RCOR1: variants seen among roughly 807,000 people sequenced by gnomAD.
RCOR1 encodes the protein REST corepressor 1.
Under a neutral mutation model 64.0 loss-of-function variants are expected in RCOR1, and 12 were observed. The ratio of observed to expected loss-of-function variants is 0.19; its 90% CI spans 0.12 to 0.30. The LOEUF (loss-of-function observed/expected upper bound fraction) is 0.30, where lower values mean the gene tolerates loss of function less well. Among genes scored for constraint, RCOR1 ranks in the 10% least tolerant of loss-of-function variants. The pLI, the probability that RCOR1 is intolerant of heterozygous loss-of-function variation, is 1.00. For missense variants in RCOR1, 502 were observed against 621.2 expected, an observed-to-expected ratio of 0.81 and a Z score of 2.04; for synonymous variants, 279 against 227.2, an observed-to-expected ratio of 1.23 and a Z score of -2.05.
intron 3 of RCOR1, among the ~76,000 whole-genome samples, chr14:102,690,468 G>C (rs924939816): frequency 6.6e-6 from 1 of 152,106 alleles, no homozygotes; most frequent in African/African-American, 2.4e-5. Context: ...GTGCACACCT[G>C]TAGTCCCAGA....
At chr14:102,611,008 T>C (rs1050679543) in intron 2 of RCOR1, among the ~76,000 whole-genome samples, 1 of 152,186 alleles carries the variant, frequency 6.6e-6, no homozygotes, top group African/African-American at 2.4e-5. Context: ...CAATAAGGTG[T>C]TCAAAATAAG....
At position 102,727,281 on chromosome 14, in the gene RCOR1, A is replaced by ACCCCCCCCCCCCCCCCCCCCCCCCC. The variant is rs11380772; in HGVS notation, c.*783_*784insCCCCCCCCCCCCCCCCCCCCCCCCC. 21 of 118,272 alleles carry ACCCCCCCCCCCCCCCCCCCCCCCCC rather than the reference A, an allele frequency of 1.8e-4. No individual in the cohort carries two copies. Among genetic ancestry groups the ACCCCCCCCCCCCCCCCCCCCCCCCC allele is most frequent in the South Asian group, 3.5e-4 (1 of 2,858 alleles). 7.3% of individuals were successfully genotyped at this position (118,272 alleles called of 1,614,324 possible). ...GTGGTTGCCACCCCATCTTTTCCTG[A>ACCCCCCCCCCCCCCCCCCCCCCCCC]CCCCCCCCACCCCCCCACCTCCAAG... is the stretch of plus-strand genomic sequence containing the variant. On this transcript the variant is annotated 3_prime_UTR_variant, in exon 12 of 12. Transcript: ENST00000262241.
intron 11 of RCOR1, 55 bp from the exon 12 acceptor site, chr14:102,726,413 G>C: frequency 6.7e-7 from 1 of 1,484,572 alleles, no homozygotes; most frequent in Non-Finnish European, 9.2e-7. Context: ...ATAGCAGCTT[G>C]TGTTGTTTAC....
Position 102,595,256 on chromosome 14 carries a change from C to A in RCOR1, c.361+1931C>A, listed in dbSNP as rs185316887. On this transcript the variant is annotated intron_variant, in intron 2 of 11. Transcript: ENST00000262241. ...GTAGCTCACACCTGTAGTCCCAACA[C>A]TTGGGGAGGCCAAGGCTGGAGGATC... Among the ~76,000 whole-genome samples the A allele has an allele frequency of 1.1e-4, 17 of 152,190 alleles. 1 individual carries two copies. The highest frequency in any genetic ancestry group is 1.1e-3 in the Admixed American group (17 of 15,276).
intron 2 of RCOR1, among the ~76,000 whole-genome samples, chr14:102,597,939 C>CACTG (rs1893298548): frequency 6.6e-6 from 1 of 152,082 alleles, no homozygotes; most frequent in Non-Finnish European, 1.5e-5. Context: ...TCTCCTGCCT[C>CACTG]AGCCTCCCGA....
At chr14:102,679,044 G>A (rs780684111) in intron 2 of RCOR1, among the ~76,000 whole-genome samples, 2 of 152,102 alleles carry the variant, frequency 1.3e-5, no homozygotes, top group East Asian at 1.9e-4. Flanking sequence ...TTGCATATGC[G>A]ATATGCAAAT....
rs1176176280 is a variant in RCOR1 at position 102,657,446 on chromosome 14, AAC to A, written c.362-24445_362-24444del. 3 of 984,540 alleles carry A rather than the reference AAC, an allele frequency of 3.0e-6. No individual in the cohort carries two copies. The East Asian group carries it at 3.4e-4, about 112-fold the overall frequency. 61.0% of individuals were successfully genotyped at this position (984,540 alleles called of 1,614,324 possible). On this transcript the variant is annotated intron_variant, in intron 2 of 11. Transcript: ENST00000262241. ...TTGTTGCTTAAGTTAAGACTAATAT[AAC>A]ACAGAAGTCTTACTCATCCTTTTTG... is the stretch of plus-strand genomic sequence containing the variant.
At chr14:102,657,206 C>T (rs1449765087) in intron 2 of RCOR1, 1 of 984,976 alleles carries the variant, frequency 1.0e-6, no homozygotes, top group African/African-American at 1.8e-5. Context: ...AGTGTTGTGC[C>T]TCACGGTGCT....
Position 102,713,406 on chromosome 14 carries a change from C to T in RCOR1, c.859-1017C>T, listed in dbSNP as rs1293566624. 2.0e-5 allele frequency among the ~76,000 whole-genome samples: 3 copies of T among 152,224 alleles called. No individual in the cohort carries two copies. In the East Asian group the frequency reaches 5.8e-4, roughly 29 times the overall value. ...CCCGCCATTCTCCTGCTTCAGCCTC[C>T]CAAGTAGCTGGGGCTACAGGCGCCC... On this transcript the variant is annotated intron_variant, in intron 7 of 11. Transcript: ENST00000262241.
chr14:102,601,683 A>G (rs952917983), intron 2 of RCOR1, among the ~76,000 whole-genome samples: 9 of 152,190 alleles, frequency 5.9e-5, no homozygotes, highest in African/African-American at 2.2e-4. Context: ...TTGGGCAGGA[A>G]TGGTCCTTCT....
At chr14:102,635,730 C>T (rs1894222099) in intron 2 of RCOR1, among the ~76,000 whole-genome samples, 4 of 151,982 alleles carry the variant, frequency 2.6e-5, no homozygotes, top group African/African-American at 9.7e-5. Flanking sequence ...TCTCTGCTTA[C>T]TTGGTTTAAC....
chr14:102,607,837 G>A (rs190179061), intron 2 of RCOR1, among the ~76,000 whole-genome samples: 45 of 152,092 alleles, frequency 3.0e-4, no homozygotes, highest in East Asian at 1.9e-4. Context: ...AGCTGAGATC[G>A]TGCCACTGCA....
At chr14:102,613,147 G>A (rs770002977) in intron 2 of RCOR1, among the ~76,000 whole-genome samples, 2 of 151,812 alleles carry the variant, frequency 1.3e-5, no homozygotes, top group African/African-American at 2.4e-5. Context: ...TGTCGCCCAC[G>A]CTGGAATGCA....
intron 2 of RCOR1, among the ~76,000 whole-genome samples, chr14:102,661,696 G>A (rs535949797): frequency 2.6e-5 from 4 of 152,278 alleles, no homozygotes; most frequent in South Asian, 2.1e-4. Context: ...TGAGACAACC[G>A]GCTATAGCAA....
chr14:102,714,361 T>C (rs1595243176), intron 7 of RCOR1, 62 bp from the exon 8 acceptor site: 2 of 1,061,390 alleles, frequency 1.9e-6, no homozygotes, highest in Non-Finnish European at 2.7e-6. Flanking sequence ...GAAATAAATA[T>C]GTTTATTACT....
At chr14:102,597,975 A>C (rs759793731) in intron 2 of RCOR1, among the ~76,000 whole-genome samples, 29 of 152,136 alleles carry the variant, frequency 1.9e-4, no homozygotes, top group Non-Finnish European at 4.1e-4. Flanking sequence ...GGCATGGGCC[A>C]CCACACCCAG....
In RCOR1 at chr14:102,689,292, A is replaced by AT. The variant is rs969136468; in HGVS notation, c.445+7324dup. Among the ~76,000 whole-genome samples the AT allele has an allele frequency of 9.2e-5, 14 of 151,396 alleles. 2 individuals are homozygous for AT. The highest frequency in any genetic ancestry group is 4.2e-4 in the South Asian group (2 of 4,770). On this transcript the variant is annotated intron_variant, in intron 3 of 11. Transcript: ENST00000262241. Reference sequence around the variant, plus strand: ...ATGAAATGGATAGATTAATCTGAGGATTTTTTTTTTGTTGCTTGATTATTA... The same window carrying AT: ...ATGAAATGGATAGATTAATCTGAGGATTTTTTTTTTTGTTGCTTGATTATTA...
intron 2 of RCOR1, among the ~76,000 whole-genome samples, chr14:102,674,892 C>G (rs71417817): frequency 6.6e-6 from 1 of 151,862 alleles, no homozygotes; most frequent in African/African-American, 2.4e-5. Context: ...AACCCTGTCT[C>G]TACTAAAAAT....
chr14:102,688,403 T>G (rs1895465150), intron 3 of RCOR1, among the ~76,000 whole-genome samples: 1 of 152,092 alleles, frequency 6.6e-6, no homozygotes, highest in Non-Finnish European at 1.5e-5. Context: ...TTCTTAAAGG[T>G]TTGGAGGATC....
Sources: allele counts gnomAD v4.1 joint callset (sites outside exome capture counted in the v4.1 genomes callset), GRCh38; gene constraint gnomAD v4.1.1; transcripts MANE v1.5; gene names NCBI Gene and HGNC (gene_info 2026-07-23, HGNC 2026-07-21).